Variants in CSMD1 observed in about 807,000 individuals in gnomAD.
CSMD1 encodes CUB and Sushi multiple domains 1.
In CSMD1, 213 loss-of-function variants were observed where a neutral mutation model predicts 417.5. The ratio of observed to expected loss-of-function variants is 0.51; its 90% CI spans 0.46 to 0.57. The LOEUF is 0.57. Ranked by LOEUF, CSMD1 falls within the 20% of genes least tolerant of loss-of-function variation. CSMD1 has a pLI of 0.00. For synonymous variants in CSMD1, 2,862 were observed against 1,736.8 expected (o/e 1.65, Z -16.11); for missense variants, 6,923 against 4,529.7 (o/e 1.53, Z -15.17).
intron 69 of CSMD1, among the ~76,000 whole-genome samples, chr8:2,939,698 C>T (rs984677036): frequency 6.6e-6 from 1 of 152,230 alleles, no homozygotes; most frequent in Non-Finnish European, 1.5e-5. Context: ...TTATGTTACA[C>T]ATGCTCATTA....
At chr8:3,357,044 G>A (rs1454174838) in intron 21 of CSMD1, among the ~76,000 whole-genome samples, 4 of 152,096 alleles carry the variant, frequency 2.6e-5, no homozygotes, top group African/African-American at 9.7e-5. Flanking sequence ...GGAGTGAGGT[G>A]GGGCTAGGAG....
At chr8:3,985,410 T>A (rs1814244162) in intron 5 of CSMD1, among the ~76,000 whole-genome samples, 1 of 152,140 alleles carries the variant, frequency 6.6e-6, no homozygotes, top group Admixed American at 6.5e-5. Flanking sequence ...TACCCTCTTG[T>A]CTAGTCTTAT....
chr8:4,414,029 G>T (rs116327514), intron 3 of CSMD1, among the ~76,000 whole-genome samples: 1 of 151,898 alleles, frequency 6.6e-6, no homozygotes, highest in Non-Finnish European at 1.5e-5. Context: ...GTGCTAGCAC[G>T]TTCTTGAAAA....
At chr8:3,729,358 C>T (rs989582556) in intron 6 of CSMD1, among the ~76,000 whole-genome samples, 2 of 152,182 alleles carry the variant, frequency 1.3e-5, no homozygotes, top group Admixed American at 6.5e-5. Context: ...CTAGCTCTGC[C>T]ACCACTCACT....
intron 2 of CSMD1, among the ~76,000 whole-genome samples, chr8:4,631,405 T>G (rs575775378): frequency 1.7e-4 from 26 of 151,786 alleles, no homozygotes; most frequent in African/African-American, 5.6e-4. Context: ...TTTGTTTTTT[T>G]TTTTTTTTAA....
intron 18 of CSMD1, among the ~76,000 whole-genome samples, chr8:3,382,183 T>C (rs1292378096): frequency 1.3e-5 from 2 of 151,850 alleles, no homozygotes; most frequent in African/African-American, 4.8e-5. Flanking sequence ...CGCTTGAACC[T>C]GGGAGGCGGA....
At chr8:4,457,418 G>C (rs902522483) in intron 2 of CSMD1, among the ~76,000 whole-genome samples, 11 of 152,014 alleles carry the variant, frequency 7.2e-5, no homozygotes, top group African/African-American at 2.7e-4. Flanking sequence ...TAAACTCAGG[G>C]GAGTGACAGG....
intron 5 of CSMD1, among the ~76,000 whole-genome samples, chr8:3,912,993 C>A (rs919567492): frequency 2.0e-5 from 3 of 152,052 alleles, no homozygotes; most frequent in Non-Finnish European, 2.9e-5. Flanking sequence ...CACAGGAAAG[C>A]CTACGCACTG....
chr8:4,945,762 G>A (rs1321709888), intron 1 of CSMD1, among the ~76,000 whole-genome samples: 1 of 152,098 alleles, frequency 6.6e-6, no homozygotes, highest in Non-Finnish European at 1.5e-5. Context: ...ACCTGGAGAA[G>A]ATGATGAATA....
chr8:3,505,968 G>A (rs557100595), intron 10 of CSMD1, among the ~76,000 whole-genome samples: 7 of 152,290 alleles, frequency 4.6e-5, no homozygotes, highest in South Asian at 2.1e-4. Flanking sequence ...CAGAAAGGAA[G>A]AGGGTTGAGT....
At chr8:4,306,535 C>T (rs960138875) in intron 3 of CSMD1, among the ~76,000 whole-genome samples, 6 of 152,152 alleles carry the variant, frequency 3.9e-5, no homozygotes, top group Non-Finnish European at 5.9e-5. Flanking sequence ...ATCTTGAAGA[C>T]AAAATTTTCT....
chr8:4,070,325 G>C (rs964238231), intron 3 of CSMD1, among the ~76,000 whole-genome samples: 5 of 151,998 alleles, frequency 3.3e-5, no homozygotes, highest in Admixed American at 2.0e-4. Context: ...AAGAAACTCA[G>C]AGAAAATGTC....
intron 7 of CSMD1, among the ~76,000 whole-genome samples, chr8:3,658,229 G>C (rs528665217): frequency 2.6e-5 from 4 of 151,908 alleles, no homozygotes; most frequent in African/African-American, 4.8e-5. Context: ...TAAAATAAAA[G>C]ATAAATACAT....
At chr8:4,685,707 C>A (rs567849315) in intron 1 of CSMD1, among the ~76,000 whole-genome samples, 1 of 152,058 alleles carries the variant, frequency 6.6e-6, no homozygotes. Context: ...GGAAGTGAAA[C>A]GGTAAAATAA....
At chr8:4,546,987 G>T (rs557746598) in intron 2 of CSMD1, among the ~76,000 whole-genome samples, 76 of 152,160 alleles carry the variant, frequency 5.0e-4, no homozygotes, top group Non-Finnish European at 7.2e-4. Flanking sequence ...ATCACCCTGT[G>T]TGCCCTACAT....
intron 1 of CSMD1, among the ~76,000 whole-genome samples, chr8:4,896,976 A>C (rs1256517380): frequency 6.6e-6 from 1 of 151,984 alleles, no homozygotes; most frequent in Non-Finnish European, 1.5e-5. Flanking sequence ...CATTTCTTTC[A>C]TTTTTGTGAT....
At chr8:4,405,454 C>A (rs900012156) in intron 3 of CSMD1, among the ~76,000 whole-genome samples, 24 of 151,984 alleles carry the variant, frequency 1.6e-4, no homozygotes, top group African/African-American at 5.1e-4. Context: ...GATTTTAACG[C>A]CCATCTATAG....
chr8:2,985,414 A>C (rs1442363211), intron 54 of CSMD1, among the ~76,000 whole-genome samples: 3 of 151,626 alleles, frequency 2.0e-5, no homozygotes, highest in Non-Finnish European at 4.4e-5. Flanking sequence ...CACGTGAGGG[A>C]GGAGACTGGT....
chr8:4,279,489 G>T (rs149232394), intron 3 of CSMD1, among the ~76,000 whole-genome samples: 2 of 152,208 alleles, frequency 1.3e-5, no homozygotes, highest in East Asian at 3.9e-4. Flanking sequence ...TCATGAGCAG[G>T]AATACTGACT....
Sources: allele counts gnomAD v4.1 joint callset (sites outside exome capture counted in the v4.1 genomes callset), GRCh38; gene constraint gnomAD v4.1.1; transcripts MANE v1.5; gene names NCBI Gene and HGNC (gene_info 2026-07-23, HGNC 2026-07-21).